DLGAP2: variants seen among roughly 807,000 people sequenced by gnomAD.
DLGAP2 encodes the protein disks large-associated protein 2.
Under a neutral mutation model 100.3 loss-of-function variants are expected in DLGAP2, and 26 were observed. The observed-to-expected ratio is 0.26, with a 90% confidence interval of 0.19 to 0.36. DLGAP2 has a LOEUF of 0.36. Ranked by LOEUF, DLGAP2 falls within the 10% of genes least tolerant of loss-of-function variation. The pLI is 1.00. For missense variants in DLGAP2, 1,858 were observed against 1,453.2 expected (o/e 1.28, Z -4.53); for synonymous variants, 886 against 630.1 (o/e 1.41, Z -6.08).
chr8:1,505,759 C>T (rs1489265602), intron 4 of DLGAP2, among the ~76,000 whole-genome samples: 1 of 152,190 alleles, frequency 6.6e-6, no homozygotes, highest in Non-Finnish European at 1.5e-5. Flanking sequence ...TTAAATTGCT[C>T]TCTTAATAAC....
intron 4 of DLGAP2, among the ~76,000 whole-genome samples, chr8:1,507,191 G>A (rs1396843208): frequency 6.6e-6 from 1 of 152,240 alleles, no homozygotes; most frequent in Non-Finnish European, 1.5e-5. Context: ...ATGGGACCGG[G>A]CGCCGCGGAG....
chr8:1,230,304 C>G (rs1798509377), intron 2 of DLGAP2, among the ~76,000 whole-genome samples: 1 of 151,770 alleles, frequency 6.6e-6, no homozygotes, highest in African/African-American at 2.4e-5. Context: ...ATACATCTAA[C>G]TCGAAGTGAA....
At chr8:1,224,158 A>G (rs1429519834) in intron 2 of DLGAP2, among the ~76,000 whole-genome samples, 1 of 152,222 alleles carries the variant, frequency 6.6e-6, no homozygotes, top group Non-Finnish European at 1.5e-5. Context: ...GCCATTGTCT[A>G]AGAGGAATTG....
At chr8:1,150,962 T>G (rs1162616642) in intron 2 of DLGAP2, among the ~76,000 whole-genome samples, 2 of 152,242 alleles carry the variant, frequency 1.3e-5, no homozygotes, top group African/African-American at 4.8e-5. Context: ...ATTATTTCTG[T>G]TTTTTGTATG....
At chr8:1,273,990 A>T (rs188392067) in intron 3 of DLGAP2, among the ~76,000 whole-genome samples, 5 of 152,336 alleles carry the variant, frequency 3.3e-5, no homozygotes, top group Admixed American at 3.3e-4. Context: ...TGAGTCATTC[A>T]GTAACCATTT....
At chr8:1,436,132 C>T (rs992318600) in intron 3 of DLGAP2, among the ~76,000 whole-genome samples, 1 of 152,114 alleles carries the variant, frequency 6.6e-6, no homozygotes, top group African/African-American at 2.4e-5. Flanking sequence ...GACTCACAAC[C>T]ACAAGGTGAA....
chr8:1,320,108 A>G (rs1037202744), intron 3 of DLGAP2, among the ~76,000 whole-genome samples: 1 of 152,118 alleles, frequency 6.6e-6, no homozygotes, highest in Non-Finnish European at 1.5e-5. Context: ...AGTAGAGACC[A>G]TGAGAGTGAG....
chr8:1,676,972 A>G (rs562799483), intron 11 of DLGAP2, among the ~76,000 whole-genome samples: 1 of 152,338 alleles, frequency 6.6e-6, no homozygotes, highest in African/African-American at 2.4e-5. Flanking sequence ...AACGATAGAA[A>G]GACAGCAAAG....
chr8:1,372,596 G>C (rs1282039331), intron 3 of DLGAP2, among the ~76,000 whole-genome samples: 1 of 152,182 alleles, frequency 6.6e-6, no homozygotes, highest in African/African-American at 2.4e-5. Flanking sequence ...AGCTCTTTGT[G>C]AAAGAGGTGC....
At chr8:1,434,771 G>A (rs145634007) in intron 3 of DLGAP2, among the ~76,000 whole-genome samples, 18 of 152,282 alleles carry the variant, frequency 1.2e-4, no homozygotes, top group African/African-American at 3.6e-4. Context: ...CACTGTGCCC[G>A]GCCGTCATTG....
intron 2 of DLGAP2, among the ~76,000 whole-genome samples, chr8:1,250,001 C>T (rs1441217126): frequency 6.6e-6 from 1 of 152,176 alleles, no homozygotes; most frequent in East Asian, 1.9e-4. Flanking sequence ...CTGCCTCAGC[C>T]TCCCGAGTAG....
At chr8:1,182,138 G>C (rs1461998923) in intron 2 of DLGAP2, among the ~76,000 whole-genome samples, 1 of 152,240 alleles carries the variant, frequency 6.6e-6, no homozygotes, top group African/African-American at 2.4e-5. Context: ...TGTTCCTGAG[G>C]TGGCGAGTCA....
intron 2 of DLGAP2, among the ~76,000 whole-genome samples, chr8:1,068,623 C>G (rs1803329158): frequency 6.7e-6 from 1 of 149,388 alleles, no homozygotes; most frequent in African/African-American, 2.6e-5. Context: ...GATGGACGCA[C>G]AGGAGCGGGG....
intron 6 of DLGAP2, among the ~76,000 whole-genome samples, chr8:1,585,864 T>A (rs1368699276): frequency 6.6e-6 from 1 of 152,188 alleles, no homozygotes; most frequent in Non-Finnish European, 1.5e-5. Context: ...AGTGTCACTC[T>A]GTCTCTGGCA....
chr8:1,694,983 C>T (rs536873774), intron 13 of DLGAP2, among the ~76,000 whole-genome samples: 14 of 152,322 alleles, frequency 9.2e-5, no homozygotes, highest in African/African-American at 2.4e-4. Flanking sequence ...TGTGCCCGTC[C>T]GGCCCCAGCA....
At chr8:828,126 G>GA (rs1204964327) in intron 1 of DLGAP2, among the ~76,000 whole-genome samples, 2 of 152,174 alleles carry the variant, frequency 1.3e-5, no homozygotes, top group African/African-American at 4.8e-5. Context: ...GGACCGAAGC[G>GA]AAATTAAAAT....
intron 3 of DLGAP2, among the ~76,000 whole-genome samples, chr8:1,344,114 T>TGTGGGCCCTG (rs1367814686): frequency 2.7e-5 from 1 of 36,934 alleles, no homozygotes; most frequent in East Asian, 2.4e-3. Flanking sequence ...GGTCCATGTA[T>TGTGGGCCCTG]TCGGGGCCCT....
intron 1 of DLGAP2, among the ~76,000 whole-genome samples, chr8:765,792 GAC>G (rs143027178): frequency 2.6e-5 from 4 of 152,034 alleles, no homozygotes; most frequent in East Asian, 1.9e-4. Flanking sequence ...CATGTACACA[GAC>G]ACACACACAC....
At chr8:1,344,393 A>C (rs1801508551) in intron 3 of DLGAP2, among the ~76,000 whole-genome samples, 1 of 152,154 alleles carries the variant, frequency 6.6e-6, no homozygotes, top group East Asian at 1.9e-4. Context: ...AGAGAGGTCT[A>C]GTGTCACTTT....
Sources: allele counts gnomAD v4.1 joint callset (sites outside exome capture counted in the v4.1 genomes callset), GRCh38; gene constraint gnomAD v4.1.1; transcripts MANE v1.5; gene names NCBI Gene and HGNC (gene_info 2026-07-23, HGNC 2026-07-21).